The following ASXL2 variants were observed in gnomAD, a reference collection of about 807,000 sequenced individuals.
The protein encoded by ASXL2 is ASXL transcriptional regulator 2.
ASXL2 carries 23 observed loss-of-function variants against 122.0 expected under a neutral mutation model. The ratio of observed to expected loss-of-function variants is 0.19; its 90% CI spans 0.14 to 0.27. ASXL2 has a LOEUF of 0.27. Ranked by LOEUF, ASXL2 falls within the 10% of genes least tolerant of loss-of-function variation. The probability of loss-of-function intolerance (pLI) is 1.00; values close to 1 mark genes in which losing one functional copy is unlikely to be tolerated. For synonymous variants in ASXL2, 650 were observed against 637.0 expected (o/e 1.02, Z -0.31); for missense variants, 1,518 against 1,713.8 (o/e 0.89, Z 2.02).
At chr2:25,777,215 G>T (rs2088559965) in intron 5 of ASXL2, among the ~76,000 whole-genome samples, 1 of 152,122 alleles carries the variant, frequency 6.6e-6, no homozygotes, top group African/African-American at 2.4e-5. Flanking sequence ...CGCCTCCTGA[G>T]TAGCTGGGAC....
chr2:25,778,827 T>C (rs1373769490), intron 5 of ASXL2, among the ~76,000 whole-genome samples: 1 of 152,164 alleles, frequency 6.6e-6, no homozygotes, highest in Admixed American at 6.6e-5. Flanking sequence ...CTGGATCAAC[T>C]ACTTCTCCAA....
chr2:25,843,678 C>G (rs2089614356), intron 2 of ASXL2, among the ~76,000 whole-genome samples: 1 of 151,348 alleles, frequency 6.6e-6, no homozygotes, highest in Admixed American at 6.6e-5. Flanking sequence ...AAAATGAGTG[C>G]CCATAGTCCC....
rs1349895931 is a variant in ASXL2 at position 25,771,326 on chromosome 2, C to T, written c.504+114G>A. 1.1e-5 allele frequency: 9 copies of T among 835,616 alleles called. No homozygotes were observed. The Admixed American group carries it at 2.8e-4, about 26-fold the overall frequency. The allele number at this position is 835,616 out of a possible 1,614,324, so 51.8% of individuals were successfully genotyped here. A position where few individuals can be genotyped will look rare whatever the true frequency, so the allele number is the denominator to read the frequency against. On this transcript the variant is annotated intron_variant, in intron 6 of 12. Transcript: ENST00000435504. ...CACATTGGGCTACTGCATGAAAGTT[C>T]CACTGGCAAGGGCCCAATGTAAAAA...
At chr2:25,787,970 A>T (rs2088775181) in intron 5 of ASXL2, among the ~76,000 whole-genome samples, 1 of 152,228 alleles carries the variant, frequency 6.6e-6, no homozygotes, top group African/African-American at 2.4e-5. Flanking sequence ...AGATATCAGG[A>T]TTAATAATAA....
intron 8 of ASXL2, among the ~76,000 whole-genome samples, chr2:25,766,266 G>C (rs1302694429): frequency 2.0e-5 from 3 of 151,912 alleles, no homozygotes; most frequent in Non-Finnish European, 4.4e-5. Flanking sequence ...CTTGGCATAG[G>C]TTTCTTTTCA....
chr2:25,810,318 T>C lies in ASXL2; in HGVS notation c.144-3981A>G. The C allele has an allele frequency of 3.1e-6, 2 of 655,258 alleles. 1 individual carries two copies. Among genetic ancestry groups the C allele is most frequent in the South Asian group, 2.8e-5 (2 of 70,606 alleles). The allele number at this position is 655,258 out of a possible 1,614,324, so 40.6% of individuals were successfully genotyped here. The stretch of plus-strand genomic sequence containing the variant: ...CTTCCTATCTGCCTATTCTGCAGTG[T>C]GTTTAGCTTCTTTGAGTTGGATTTC... On this transcript the variant is annotated intron_variant, in intron 3 of 12. Coordinates refer to ENST00000435504, the MANE Select transcript of ASXL2 (RefSeq NM_018263.6).
intron 3 of ASXL2, among the ~76,000 whole-genome samples, chr2:25,832,554 G>C (rs1174459620): frequency 6.6e-6 from 1 of 151,960 alleles, no homozygotes; most frequent in East Asian, 1.9e-4. Flanking sequence ...TAAAAGGCAA[G>C]GATTGGCAGC....
At chr2:25,813,819 G>A (rs2089201831) in intron 3 of ASXL2, among the ~76,000 whole-genome samples, 1 of 152,250 alleles carries the variant, frequency 6.6e-6, no homozygotes, top group South Asian at 2.1e-4. Context: ...GGGAGGCCAA[G>A]GCAGGCGGAT....
chr2:25,789,714 T>C (rs1206624217), intron 5 of ASXL2, among the ~76,000 whole-genome samples: 2 of 152,178 alleles, frequency 1.3e-5, no homozygotes, highest in East Asian at 1.9e-4. Context: ...CTTTCTGAAT[T>C]TGGGATGCCC....
intron 2 of ASXL2, among the ~76,000 whole-genome samples, chr2:25,836,372 T>C (rs914277191): frequency 1.3e-5 from 2 of 152,214 alleles, no homozygotes; most frequent in African/African-American, 4.8e-5. Context: ...GCAATTCAGC[T>C]TGGCAAATAA....
At chr2:25,837,950 C>G (rs2089532538) in intron 2 of ASXL2, among the ~76,000 whole-genome samples, 2 of 116,438 alleles carry the variant, frequency 1.7e-5, no homozygotes, top group African/African-American at 7.1e-5. Flanking sequence ...AACCCTGTCT[C>G]TACAAAAAAA....
intron 2 of ASXL2, among the ~76,000 whole-genome samples, chr2:25,842,615 A>G (rs1487709211): frequency 5.9e-5 from 9 of 152,056 alleles, no homozygotes; most frequent in African/African-American, 2.2e-4. Flanking sequence ...GGCCTCCCAA[A>G]GTGCTGGGAT....
intron 5 of ASXL2, among the ~76,000 whole-genome samples, chr2:25,796,001 T>C (rs144172803): frequency 1.6e-3 from 241 of 152,314 alleles, no homozygotes; most frequent in African/African-American, 5.6e-3. Flanking sequence ...ATTCCATTTA[T>C]TCCTAACAAT....
intron 5 of ASXL2, among the ~76,000 whole-genome samples, chr2:25,798,962 T>C (rs1250386101): frequency 1.3e-5 from 2 of 152,170 alleles, no homozygotes; most frequent in Non-Finnish European, 2.9e-5. Flanking sequence ...TGGGTGATGA[T>C]GTGCCAATGT....
At chr2:25,792,405 C>T (rs2088848775) in intron 5 of ASXL2, among the ~76,000 whole-genome samples, 3 of 151,992 alleles carry the variant, frequency 2.0e-5, no homozygotes, top group Admixed American at 1.3e-4. Flanking sequence ...ATGTGGACTG[C>T]TCAACAGATT....
intron 3 of ASXL2, among the ~76,000 whole-genome samples, chr2:25,829,291 C>A (rs897478031): frequency 2.7e-5 from 4 of 147,480 alleles, no homozygotes; most frequent in Non-Finnish European, 6.0e-5. Context: ...CATACACATA[C>A]ACACACACAC....
intron 8 of ASXL2, among the ~76,000 whole-genome samples, chr2:25,767,327 G>A (rs1213021210): frequency 6.6e-6 from 1 of 152,156 alleles, no homozygotes; most frequent in East Asian, 1.9e-4. Context: ...AGGAAGACAG[G>A]AAGAACATGA....
intron 5 of ASXL2, among the ~76,000 whole-genome samples, chr2:25,789,204 A>G (rs2088793631): frequency 2.0e-5 from 3 of 151,798 alleles, no homozygotes; most frequent in Admixed American, 2.0e-4. Context: ...TATTAATGCT[A>G]TGGGTTTTTC....
chr2:25,843,575 G>A (rs1211405197), intron 2 of ASXL2, among the ~76,000 whole-genome samples: 1 of 151,968 alleles, frequency 6.6e-6, no homozygotes, highest in Non-Finnish European at 1.5e-5. Context: ...TCAACCTACT[G>A]AAGTTTGACT....
Sources: allele counts gnomAD v4.1 joint callset (sites outside exome capture counted in the v4.1 genomes callset), GRCh38; gene constraint gnomAD v4.1.1; transcripts MANE v1.5; gene names NCBI Gene and HGNC (gene_info 2026-07-23, HGNC 2026-07-21).